The following RGS7 variants were observed in gnomAD, a reference collection of about 807,000 sequenced individuals.
RGS7 encodes regulator of G-protein signaling 7.
In RGS7, 27 loss-of-function variants were observed where a neutral mutation model predicts 81.1. The observed-to-expected ratio is 0.33, with a 90% CI of 0.25 to 0.46. RGS7 has a LOEUF of 0.46. RGS7 is among the 20% of genes least tolerant of loss of function. The pLI, the probability that RGS7 is intolerant of heterozygous loss-of-function variation, is 1.00. For missense variants in RGS7, 396 were observed against 607.4 expected, an observed-to-expected ratio of 0.65 and a Z score of 3.66; for synonymous variants, 208 against 207.7, an observed-to-expected ratio of 1.00 and a Z score of -0.01.
Position 240,806,292 on chromosome 1 carries a change from G to T in RGS7, c.1117C>A (p.Pro373Thr), listed in dbSNP as rs1688826625. The change falls in exon 15 of 19, where the codon CCT (proline) becomes ACT (threonine). Residue 373 changes from proline (P) to threonine (T), a missense_variant. Transcript: ENST00000440928. ...WLAVEDLKKR[P>T]IKEVPSRVQE... ...ACTCTTGAGGGTACTTCTTTAATAG[G>T]CCTCTTTTTCAGGTCCTCCACTGCC... The T allele has an allele frequency of 6.2e-7, 1 of 1,613,894 alleles. No homozygotes were observed. The highest frequency in any genetic ancestry group is 8.5e-7 in the Non-Finnish European group (1 of 1,179,916).
intron 6 of RGS7, among the ~76,000 whole-genome samples, chr1:240,926,805 A>G (rs1223174622): frequency 6.6e-6 from 1 of 152,170 alleles, no homozygotes. Context: ...AATACCAGAA[A>G]TCTTATCCAA....
At chr1:240,865,398 CT>C (rs1237251947) in intron 9 of RGS7, among the ~76,000 whole-genome samples, 3 of 152,190 alleles carry the variant, frequency 2.0e-5, no homozygotes, top group African/African-American at 7.2e-5. Context: ...CAGATTAAGC[CT>C]CTGGACAGTT....
At chr1:241,131,183 A>G (rs1359507352) in intron 2 of RGS7, among the ~76,000 whole-genome samples, 1 of 152,140 alleles carries the variant, frequency 6.6e-6, no homozygotes, top group Non-Finnish European at 1.5e-5. Flanking sequence ...GTCATGCATG[A>G]GTCATATTGA....
intron 2 of RGS7, among the ~76,000 whole-genome samples, chr1:241,181,473 T>C (rs1418453270): frequency 2.0e-5 from 3 of 152,200 alleles, no homozygotes; most frequent in Non-Finnish European, 4.4e-5. Context: ...GCACAGAGCT[T>C]CCTAAATAGT....
chr1:241,338,314 T>C (rs562704230), intron 2 of RGS7, among the ~76,000 whole-genome samples: 3 of 152,298 alleles, frequency 2.0e-5, no homozygotes, highest in South Asian at 4.1e-4. Flanking sequence ...GTATCCAATA[T>C]AGCATTGAAA....
intron 5 of RGS7, among the ~76,000 whole-genome samples, chr1:240,933,048 A>AG (rs1558487319): frequency 7.2e-6 from 1 of 139,402 alleles, no homozygotes; most frequent in Non-Finnish European, 1.6e-5. Context: ...ACGCCCGGCT[A>AG]ATTTTTTGTA....
chr1:240,865,268 C>T (rs1465130802), intron 9 of RGS7, among the ~76,000 whole-genome samples: 4 of 152,138 alleles, frequency 2.6e-5, no homozygotes, highest in African/African-American at 7.2e-5. Flanking sequence ...TCCCTATTCC[C>T]TTTTTTACTG....
intron 6 of RGS7, chr1:240,920,482 G>C: frequency 1.0e-6 from 1 of 964,696 alleles, no homozygotes. Flanking sequence ...CCCATGAAGC[G>C]AGGAAACTTT....
chr1:241,261,628 C>CA lies in RGS7; in HGVS notation c.78+94070dup, dbSNP rs35082766. On this transcript the variant is annotated intron_variant, in intron 2 of 18. Coordinates refer to ENST00000440928, the MANE Select transcript of RGS7 (RefSeq NM_001364886.1). ...TGGGCGACAGGGTGAGACTCTGTCT[C>CA]AAAAAAAAAAAAAAAAAAAAATGAG... Among the ~76,000 whole-genome samples the CA allele has an allele frequency of 9.9e-3, 607 of 61,316 alleles. 4 individuals are homozygous for CA. The highest frequency in any genetic ancestry group is 0.033 in the Middle Eastern group (3 of 92). The allele number at this position is 61,316 out of a possible 152,430, so 40.2% of individuals were successfully genotyped here.
At chr1:241,328,476 C>T (rs544479180) in intron 2 of RGS7, among the ~76,000 whole-genome samples, 2 of 152,330 alleles carry the variant, frequency 1.3e-5, no homozygotes, top group South Asian at 2.1e-4. Flanking sequence ...CATATCTGTC[C>T]TAGTGGACTG....
At chr1:240,898,861 C>T (rs373722462) in intron 6 of RGS7, among the ~76,000 whole-genome samples, 3 of 152,130 alleles carry the variant, frequency 2.0e-5, no homozygotes, top group African/African-American at 4.8e-5. Context: ...TCTCGTTGAT[C>T]TGTCTAATGT....
intron 2 of RGS7, among the ~76,000 whole-genome samples, chr1:241,257,187 T>G (rs1423551840): frequency 6.6e-6 from 1 of 152,106 alleles, no homozygotes; most frequent in Non-Finnish European, 1.5e-5. Context: ...TGGTGGGAAG[T>G]CCGAGATCAA....
At chr1:240,810,371 G>A (rs1389923545) in intron 14 of RGS7, among the ~76,000 whole-genome samples, 1 of 151,804 alleles carries the variant, frequency 6.6e-6, no homozygotes, top group African/African-American at 2.4e-5. Flanking sequence ...CTTAGAGAAT[G>A]AGAGGAATGT....
intron 2 of RGS7, among the ~76,000 whole-genome samples, chr1:241,214,083 T>A (rs1327671088): frequency 6.6e-6 from 1 of 152,190 alleles, no homozygotes; most frequent in Non-Finnish European, 1.5e-5. Context: ...AGCCTTTATA[T>A]TTATCTATGT....
At chr1:241,315,159 G>A (rs2148577884) in intron 2 of RGS7, among the ~76,000 whole-genome samples, 1 of 106,944 alleles carries the variant, frequency 9.4e-6, no homozygotes, top group African/African-American at 3.7e-5. Context: ...GGCAAGAACT[G>A]ACTTGGGGCT....
rs60841672 is a variant in RGS7, at chr1:241,195,108, C to T, written c.79-96346G>A. On this transcript the variant is annotated intron_variant, in intron 2 of 18. Coordinates refer to ENST00000440928, the MANE Select transcript of RGS7 (RefSeq NM_001364886.1). ...AGTCCCACCTGGAGAAAAACATTCA[C>T]TGAAGCCTCAAAATGCCTTGCAAGT... Among the ~76,000 whole-genome samples the T allele has an allele frequency of 2.0e-3, 303 of 152,344 alleles. 2 individuals carry two copies. Among genetic ancestry groups the T allele is most frequent in the Middle Eastern group, 6.8e-3 (2 of 294 alleles).
At chr1:240,908,925 T>C (rs1010762605) in intron 6 of RGS7, among the ~76,000 whole-genome samples, 2 of 152,210 alleles carry the variant, frequency 1.3e-5, no homozygotes, top group Non-Finnish European at 2.9e-5. Flanking sequence ...GGAAACAACA[T>C]GCAAAAAGGT....
chr1:240,796,354 G>T (rs1280913267), intron 18 of RGS7, among the ~76,000 whole-genome samples: 1 of 151,992 alleles, frequency 6.6e-6, no homozygotes, highest in Non-Finnish European at 1.5e-5. Context: ...ATTTACATTT[G>T]CTCCTATCAA....
chr1:241,199,814 T>G (rs978778672), intron 2 of RGS7, among the ~76,000 whole-genome samples: 1 of 152,188 alleles, frequency 6.6e-6, no homozygotes, highest in African/African-American at 2.4e-5. Context: ...AGGATATTGA[T>G]GAACCTCAGT....
Sources: allele counts gnomAD v4.1 joint callset (sites outside exome capture counted in the v4.1 genomes callset), GRCh38; gene constraint gnomAD v4.1.1; transcripts MANE v1.5; gene names NCBI Gene and HGNC (gene_info 2026-07-23, HGNC 2026-07-21).